The following SLC7A7 variants were observed in gnomAD, a reference collection of about 807,000 sequenced individuals.
SLC7A7 encodes the protein solute carrier family 7 member 7.
In SLC7A7, 39 loss-of-function variants were observed where a neutral mutation model predicts 47.9. That is an observed-to-expected ratio of 0.81 (90% confidence interval 0.63 to 1.06). SLC7A7 has a LOEUF of 1.06. Ranked by LOEUF, SLC7A7 falls within the 50% of genes least tolerant of loss-of-function variation. The probability of loss-of-function intolerance (pLI) is 0.00; values close to 1 mark genes in which losing one functional copy is unlikely to be tolerated. For synonymous variants in SLC7A7, 234 were observed against 242.8 expected, an observed-to-expected ratio of 0.96 and a Z score of 0.34; for missense variants, 588 against 632.0, an observed-to-expected ratio of 0.93 and a Z score of 0.75.
chr14:22,794,366 C>CT lies in SLC7A7; in HGVS notation c.500-14316dup, dbSNP rs1297635770. ...TGGAACTCAGTCAGCACTTTGGTCCCTGTGGCTCTGACCACTCTGAGGGAG... is the reference window on the plus strand; with the variant it reads ...TGGAACTCAGTCAGCACTTTGGTCCCTTGTGGCTCTGACCACTCTGAGGGAG... On this transcript the variant is annotated intron_variant, in intron 2 of 9. Transcript: ENST00000674313. 3.3e-5 allele frequency among the ~76,000 whole-genome samples: 5 copies of CT among 152,302 alleles called. No individual in the cohort carries two copies. The East Asian group carries it at 9.7e-4, about 29-fold the overall frequency.
intron 2 of SLC7A7, among the ~76,000 whole-genome samples, chr14:22,785,499 G>T (rs560917445): frequency 4.7e-5 from 7 of 150,286 alleles, no homozygotes; most frequent in African/African-American, 1.7e-4. Flanking sequence ...AGGCCAAGGC[G>T]GGCAGATCAT....
At chr14:22,788,039 C>T (rs2038851513) in intron 2 of SLC7A7, among the ~76,000 whole-genome samples, 1 of 151,884 alleles carries the variant, frequency 6.6e-6, no homozygotes, top group African/African-American at 2.4e-5. Flanking sequence ...CGCCACCGCA[C>T]TCCAGCCTGG....
rs752263234 is a variant in SLC7A7, at chr14:22,774,354, C to CGTAA, written c.1244_1245insTTAC (p.Lys415AsnfsTer26). ...CAGAGGTAGGATGGAGTTGCCTTACCTTGAGGGGACGAGGTCGATCAGGCT... is the reference window on the plus strand; with the variant it reads ...CAGAGGTAGGATGGAGTTGCCTTACCGTAATTGAGGGGACGAGGTCGATCAGGCT... On this transcript the variant is annotated frameshift_variant and splice_region_variant, in exon 8 of 10. Coordinates refer to ENST00000674313, the MANE Select transcript of SLC7A7 (RefSeq NM_003982.4). LOFTEE classifies it high-confidence loss of function. The CGTAA allele has an allele frequency of 2.7e-5, 43 of 1,613,984 alleles. No homozygotes were observed. The highest frequency in any genetic ancestry group is 3.6e-5 in the Non-Finnish European group (43 of 1,180,020).
At chr14:22,790,231 A>C (rs1290590488) in intron 2 of SLC7A7, among the ~76,000 whole-genome samples, 1 of 149,412 alleles carries the variant, frequency 6.7e-6, no homozygotes, top group Non-Finnish European at 1.5e-5. Flanking sequence ...CAGGAGGCTA[A>C]GGTGGGAGAA....
At chr14:22,805,014 C>G (rs972600889) in intron 2 of SLC7A7, among the ~76,000 whole-genome samples, 1 of 151,750 alleles carries the variant, frequency 6.6e-6, no homozygotes, top group African/African-American at 2.4e-5. Flanking sequence ...TCTCAAAAAA[C>G]AAAAAACAAA....
chr14:22,792,867 A>AAAAGAGAG (rs2038947072), intron 2 of SLC7A7, among the ~76,000 whole-genome samples: 1 of 122,466 alleles, frequency 8.2e-6, no homozygotes, highest in Non-Finnish European at 1.6e-5. Context: ...CAAAGAAAGA[A>AAAAGAGAG]AGAGAGAGAG....
intron 2 of SLC7A7, among the ~76,000 whole-genome samples, chr14:22,784,213 C>T (rs1389772672): frequency 6.6e-6 from 1 of 152,218 alleles, no homozygotes; most frequent in African/African-American, 2.4e-5. Flanking sequence ...TCAATCCCCA[C>T]CCAACACTGG....
chr14:22,815,672 C>G (rs1310155043), upstream of SLC7A7: 1 of 453,854 alleles, frequency 2.2e-6, no homozygotes, highest in Non-Finnish European at 4.4e-6. Flanking sequence ...GACCAGGGGC[C>G]CAGAAGAAAG....
intron 2 of SLC7A7, among the ~76,000 whole-genome samples, chr14:22,784,648 C>T (rs1160106142): frequency 6.6e-6 from 1 of 151,810 alleles, no homozygotes; most frequent in African/African-American, 2.4e-5. Context: ...CTCCTATAAC[C>T]ATCTAAAAAG....
intron 2 of SLC7A7, among the ~76,000 whole-genome samples, chr14:22,798,296 A>C (rs943674889): frequency 1.4e-5 from 2 of 143,302 alleles, no homozygotes; most frequent in African/African-American, 2.6e-5. Flanking sequence ...AAACTCTGTC[A>C]AAAAAAAAGA....
In SLC7A7 at chr14:22,773,239, T is replaced by G. The variant is rs1331068394; in HGVS notation, c.*371A>C. 4.9e-6 allele frequency: 2 copies of G among 407,752 alleles called. No homozygotes were observed. The highest frequency in any genetic ancestry group is 9.4e-6 in the Non-Finnish European group (2 of 212,184). The allele number at this position is 407,752 out of a possible 1,614,324, so 25.3% of individuals were successfully genotyped here. A position where few individuals can be genotyped will look rare whatever the true frequency, so the allele number is the denominator to read the frequency against. On this transcript the variant is annotated 3_prime_UTR_variant, in exon 10 of 10. Coordinates refer to ENST00000674313, the MANE Select transcript of SLC7A7 (RefSeq NM_003982.4). ...ACTCAGACTTTAGGAACATAAACTT[T>G]TATTGTCATCCAGCACCTGTGATAG...
chr14:22,787,690 A>C (rs1305937510), intron 2 of SLC7A7, among the ~76,000 whole-genome samples: 1 of 152,134 alleles, frequency 6.6e-6, no homozygotes, highest in Non-Finnish European at 1.5e-5. Context: ...TAGGAGGCAG[A>C]GGTTGCACTG....
intron 2 of SLC7A7, among the ~76,000 whole-genome samples, chr14:22,799,328 C>T: frequency 1.5e-5 from 1 of 64,770 alleles, no homozygotes; most frequent in Admixed American, 2.0e-4. Flanking sequence ...AAATACCTAT[C>T]CCTCAAATGT....
chr14:22,803,194 C>T (rs776027511), intron 2 of SLC7A7, among the ~76,000 whole-genome samples: 1 of 152,012 alleles, frequency 6.6e-6, no homozygotes, highest in Non-Finnish European at 1.5e-5. Context: ...CCAAGGCGGG[C>T]AGATCGCCTG....
chr14:22,819,002 C>T (rs2039442913), upstream of SLC7A7, among the ~76,000 whole-genome samples: 3 of 152,154 alleles, frequency 2.0e-5, no homozygotes, highest in South Asian at 6.2e-4. Flanking sequence ...CAGGACAACA[C>T]ACTCATCCTA....
intron 4 of SLC7A7, among the ~76,000 whole-genome samples, chr14:22,777,192 C>T (rs2038629342): frequency 6.9e-6 from 1 of 145,650 alleles, no homozygotes. Context: ...TTAACAAAGA[C>T]TGTCCCCAGC....
At chr14:22,775,756 A>G in intron 6 of SLC7A7, 77 bp downstream of exon 6, 1 of 1,122,860 alleles carries the variant, frequency 8.9e-7, no homozygotes, top group Non-Finnish European at 1.4e-6. Flanking sequence ...ACAAGTAATC[A>G]AAGGCTGGGT....
chr14:22,810,526 C>T (rs2039290075), intron 2 of SLC7A7, among the ~76,000 whole-genome samples: 2 of 149,754 alleles, frequency 1.3e-5, no homozygotes, highest in African/African-American at 4.9e-5. Context: ...AGAAATATTA[C>T]TTAGATGAAA....
intron 2 of SLC7A7, among the ~76,000 whole-genome samples, chr14:22,808,838 C>T (rs2039255103): frequency 6.6e-6 from 1 of 152,176 alleles, no homozygotes; most frequent in South Asian, 2.1e-4. Flanking sequence ...ACCATAACTA[C>T]TCAGATGAAG....
Sources: allele counts gnomAD v4.1 joint callset (sites outside exome capture counted in the v4.1 genomes callset), GRCh38; gene constraint gnomAD v4.1.1; transcripts MANE v1.5; gene names NCBI Gene and HGNC (gene_info 2026-07-23, HGNC 2026-07-21).